Variants in KCNIP4 observed in about 807,000 individuals in gnomAD.
KCNIP4 encodes Kv channel-interacting protein 4.
A neutral mutation model predicts 34.0 loss-of-function variants in KCNIP4; 12 were observed. The observed-to-expected ratio is 0.35, with a 90% CI of 0.23 to 0.57. KCNIP4 has a LOEUF of 0.57. KCNIP4 is among the 20% of genes least tolerant of loss of function. The probability of loss-of-function intolerance (pLI) is 0.83; values close to 1 mark genes in which losing one functional copy is unlikely to be tolerated. For missense variants in KCNIP4, 238 were observed against 311.7 expected, an observed-to-expected ratio of 0.76 and a Z score of 1.78; for synonymous variants, 124 against 102.2, an observed-to-expected ratio of 1.21 and a Z score of -1.29.
At chr4:21,517,610 C>T (rs907498246) in intron 1 of KCNIP4, among the ~76,000 whole-genome samples, 5 of 152,000 alleles carry the variant, frequency 3.3e-5, no homozygotes, top group African/African-American at 1.2e-4. Flanking sequence ...TTTTTTTATC[C>T]TGCCTAATAC....
At chr4:20,770,112 C>CATAGCAGTTTT (rs1233316008) in intron 3 of KCNIP4, among the ~76,000 whole-genome samples, 53 of 152,328 alleles carry the variant, frequency 3.5e-4, no homozygotes, top group African/African-American at 1.3e-3. Flanking sequence ...CCTGCTTCTT[C>CATAGCAGTTTT]TGAACATCAG....
intron 1 of KCNIP4, among the ~76,000 whole-genome samples, chr4:20,979,504 C>T (rs56919547): frequency 0.14 from 21,102 of 151,262 alleles, 1,811 homozygotes; most frequent in East Asian, 0.26. Flanking sequence ...GTTCACGCCA[C>T]TCTCCTGCCT....
At chr4:21,133,040 T>C (rs1751205482) in intron 1 of KCNIP4, among the ~76,000 whole-genome samples, 1 of 151,340 alleles carries the variant, frequency 6.6e-6, no homozygotes, top group Admixed American at 6.6e-5. Flanking sequence ...GTTTTGCAAA[T>C]GTCAAAAATT....
intron 3 of KCNIP4, among the ~76,000 whole-genome samples, chr4:20,776,880 G>T (rs555816425): frequency 1.3e-5 from 2 of 152,158 alleles, no homozygotes; most frequent in East Asian, 3.9e-4. Flanking sequence ...CCATTATAGG[G>T]TAATTATGAA....
chr4:21,015,873 T>C (rs1294616296), intron 1 of KCNIP4, among the ~76,000 whole-genome samples: 1 of 140,602 alleles, frequency 7.1e-6, no homozygotes, highest in Non-Finnish European at 1.5e-5. Flanking sequence ...TATATAAAAA[T>C]ATATAAATAT....
intron 1 of KCNIP4, chr4:21,613,754 G>C (rs1284713664): frequency 6.6e-6 from 1 of 152,052 alleles, no homozygotes; most frequent in Non-Finnish European, 1.5e-5. Context: ...AATGTTCCAT[G>C]CATTTATTTA....
chr4:21,802,916 AT>A (rs1721085726), intron 1 of KCNIP4, among the ~76,000 whole-genome samples: 8 of 152,096 alleles, frequency 5.3e-5, no homozygotes, highest in Admixed American at 5.2e-4. Context: ...TGATCCTGGA[AT>A]TTTTTTAAAG....
At chr4:21,392,598 A>G (rs1039425637) in intron 1 of KCNIP4, among the ~76,000 whole-genome samples, 1 of 152,230 alleles carries the variant, frequency 6.6e-6, no homozygotes, top group African/African-American at 2.4e-5. Context: ...GTGTGAAACG[A>G]AAAATAATTA....
chr4:21,455,827 A>G (rs1176040384), intron 1 of KCNIP4, among the ~76,000 whole-genome samples: 3 of 104,548 alleles, frequency 2.9e-5, no homozygotes, highest in Middle Eastern at 9.0e-3. Flanking sequence ...ATATATATAT[A>G]TATATATATA....
At chr4:21,128,560 C>T (rs1366791058) in intron 1 of KCNIP4, among the ~76,000 whole-genome samples, 1 of 152,146 alleles carries the variant, frequency 6.6e-6, no homozygotes, top group African/African-American at 2.4e-5. Flanking sequence ...GCAGATGTCT[C>T]TATTCTATTT....
At chr4:20,917,017 ATATATATATATATATATATAT>A in intron 1 of KCNIP4, among the ~76,000 whole-genome samples, 1 of 20,852 alleles carries the variant, frequency 4.8e-5, no homozygotes, top group African/African-American at 1.5e-4. Context: ...ATATATATAT[ATATATATATATATATATATAT>A]ATATATATAT....
At chr4:21,311,357 T>C (rs1182196747) in intron 1 of KCNIP4, among the ~76,000 whole-genome samples, 1 of 152,034 alleles carries the variant, frequency 6.6e-6, no homozygotes, top group African/African-American at 2.4e-5. Context: ...TCACCACGAG[T>C]AATATAGGAA....
At chr4:21,002,223 A>G (rs1163347456) in intron 1 of KCNIP4, among the ~76,000 whole-genome samples, 2 of 152,198 alleles carry the variant, frequency 1.3e-5, no homozygotes, top group Non-Finnish European at 2.9e-5. Context: ...CACTGCACAA[A>G]GTAAATGATG....
intron 1 of KCNIP4, among the ~76,000 whole-genome samples, chr4:21,401,376 T>C (rs1281658114): frequency 6.6e-6 from 1 of 152,170 alleles, no homozygotes; most frequent in East Asian, 1.9e-4. Flanking sequence ...ACTGTCCCAT[T>C]TTACAAATCT....
chr4:21,645,162 G>A (rs1746918833), intron 1 of KCNIP4, among the ~76,000 whole-genome samples: 1 of 152,008 alleles, frequency 6.6e-6, no homozygotes, highest in South Asian at 2.1e-4. Context: ...CAGTATAGCT[G>A]GAATGTGTTG....
chr4:21,780,742 T>A (rs1038604399), intron 1 of KCNIP4, among the ~76,000 whole-genome samples: 1 of 152,186 alleles, frequency 6.6e-6, no homozygotes, highest in Non-Finnish European at 1.5e-5. Context: ...TGAAACAAAT[T>A]ATCCACACAC....
chr4:20,996,675 G>GT lies in KCNIP4; in HGVS notation c.62-113967dup, dbSNP rs1265385646. 2.6e-5 allele frequency among the ~76,000 whole-genome samples: 4 copies of GT among 152,146 alleles called. No individual in the cohort carries two copies. In the East Asian group the frequency reaches 5.8e-4, roughly 22 times the overall value. ...GACCACACTATCAGAAGGATTCTGT[G>GT]TTTTTGTCACCACTCCCTGGTTCCT... is the stretch of plus-strand genomic sequence containing the variant. On this transcript the variant is annotated intron_variant, in intron 1 of 8. Transcript: ENST00000382152.
rs563171232 is a variant in KCNIP4 at position 21,626,204 on chromosome 4, T to C, written c.61+322367A>G. 3.9e-5 allele frequency among the ~76,000 whole-genome samples: 6 copies of C among 152,184 alleles called. No individual in the cohort carries two copies. The South Asian group carries it at 1.2e-3, about 32-fold the overall frequency. Reference sequence around the variant, plus strand: ...AGACTGAGCAGTTAAGGGAGGAAGTTGTTATAGAATGAATGTTTGTGTTCC... The same window carrying C: ...AGACTGAGCAGTTAAGGGAGGAAGTCGTTATAGAATGAATGTTTGTGTTCC... On this transcript the variant is annotated intron_variant, in intron 1 of 8. Coordinates refer to ENST00000382152, the MANE Select transcript of KCNIP4 (RefSeq NM_025221.6).
intron 1 of KCNIP4, among the ~76,000 whole-genome samples, chr4:20,972,427 G>T (rs1305628685): frequency 6.6e-6 from 1 of 152,152 alleles, no homozygotes; most frequent in African/African-American, 2.4e-5. Context: ...GTGTTCAGAG[G>T]CATAAAAACA....
Sources: allele counts gnomAD v4.1 joint callset (sites outside exome capture counted in the v4.1 genomes callset), GRCh38; gene constraint gnomAD v4.1.1; transcripts MANE v1.5; gene names NCBI Gene and HGNC (gene_info 2026-07-23, HGNC 2026-07-21).